The following TSHZ2 variants were observed in gnomAD, a reference collection of about 807,000 sequenced individuals.
TSHZ2 encodes the protein teashirt zinc finger homeobox 2, also known as teashirt homolog 2.
In TSHZ2, 21 loss-of-function variants were observed where a neutral mutation model predicts 74.4. That is an observed-to-expected ratio of 0.28 (90% confidence interval 0.20 to 0.41). The LOEUF (loss-of-function observed/expected upper bound fraction) is 0.41. TSHZ2 is among the 10% of genes least tolerant of loss of function. The probability of loss-of-function intolerance (pLI) is 1.00; values close to 1 mark genes in which losing one functional copy is unlikely to be tolerated. For missense variants in TSHZ2, 1,244 were observed against 1,293.5 expected, an observed-to-expected ratio of 0.96 and a Z score of 0.59; for synonymous variants, 540 against 515.3, an observed-to-expected ratio of 1.05 and a Z score of -0.65.
intron 2 of TSHZ2, among the ~76,000 whole-genome samples, chr20:53,478,113 A>G (rs200922905): frequency 0.075 from 11,041 of 147,796 alleles, 555 homozygotes; most frequent in South Asian, 0.23. Context: ...GCGATTCCTC[A>G]GGGATCTAGA....
intron 1 of TSHZ2, among the ~76,000 whole-genome samples, chr20:52,999,147 C>T (rs1029524140): frequency 6.6e-6 from 1 of 150,770 alleles, no homozygotes; most frequent in African/African-American, 2.5e-5. Flanking sequence ...ACCCATGAGT[C>T]TGAGGCCTCA....
At chr20:53,452,062 A>G (rs1984808312) in intron 2 of TSHZ2, among the ~76,000 whole-genome samples, 1 of 152,238 alleles carries the variant, frequency 6.6e-6, no homozygotes, top group Admixed American at 6.5e-5. Context: ...GAGTGCTGTC[A>G]TCAAGTGTGA....
chr20:53,441,225 ATTTTATTTTATTTTAT>A (rs1296453800), intron 2 of TSHZ2, among the ~76,000 whole-genome samples: 2 of 29,942 alleles, frequency 6.7e-5, no homozygotes, highest in Non-Finnish European at 1.2e-4. Flanking sequence ...TTATTTGTTT[ATTTTATTTTATTTTAT>A]TTTATTTTAT....
intron 1 of TSHZ2, among the ~76,000 whole-genome samples, chr20:53,041,364 A>C (rs1005450339): frequency 3.3e-5 from 5 of 152,238 alleles, no homozygotes; most frequent in African/African-American, 1.2e-4. Context: ...CAATAAGCCC[A>C]GATTTACTTT....
intron 1 of TSHZ2, among the ~76,000 whole-genome samples, chr20:53,145,576 G>T (rs1040843826): frequency 1.3e-5 from 2 of 152,196 alleles, no homozygotes; most frequent in Non-Finnish European, 2.9e-5. Context: ...GAGCTTCCTT[G>T]TGCTGGGGAA....
At position 53,212,696 on chromosome 20, in the gene TSHZ2, C is replaced by G. The variant is rs117029932; in HGVS notation, c.41-40803C>G. The stretch of plus-strand genomic sequence containing the variant: ...AGTGTGGCTGGATTCAGAAGTCAAC[C>G]CACTTTCCTCTGTGCCGGCTTCATT... On this transcript the variant is annotated intron_variant, in intron 1 of 2. Coordinates refer to ENST00000371497, the MANE Select transcript of TSHZ2 (RefSeq NM_173485.6). Among the ~76,000 whole-genome samples the G allele has an allele frequency of 8.7e-3, 1,322 of 152,264 alleles. 11 individuals carry two copies. The highest frequency in any genetic ancestry group is 0.015 in the Non-Finnish European group (1,031 of 68,014).
intron 1 of TSHZ2, among the ~76,000 whole-genome samples, chr20:53,038,176 G>T (rs1983890775): frequency 8.9e-6 from 1 of 112,146 alleles, no homozygotes; most frequent in African/African-American, 3.5e-5. Flanking sequence ...TGGGCGACAA[G>T]AGCGGGATTC....
At chr20:53,464,224 TG>T (rs1985488387) in intron 2 of TSHZ2, among the ~76,000 whole-genome samples, 1 of 152,142 alleles carries the variant, frequency 6.6e-6, no homozygotes, top group Admixed American at 6.5e-5. Flanking sequence ...TGAATGCTAG[TG>T]GGGAGACATG....
At chr20:53,345,749 C>T (rs1980413432) in intron 2 of TSHZ2, among the ~76,000 whole-genome samples, 1 of 151,512 alleles carries the variant, frequency 6.6e-6, no homozygotes, top group Non-Finnish European at 1.5e-5. Flanking sequence ...CCCTCCTCCC[C>T]TCCCTCTGTA....
At chr20:53,453,905 CTCT>C (rs11470531) in intron 2 of TSHZ2, among the ~76,000 whole-genome samples, 3,660 of 152,234 alleles carry the variant, frequency 0.024, 140 homozygotes, top group African/African-American at 0.083. Context: ...ATCCTAGGAC[CTCT>C]TCTTCTAGAA....
At chr20:53,444,693 C>T (rs1403103410) in intron 2 of TSHZ2, among the ~76,000 whole-genome samples, 4 of 152,182 alleles carry the variant, frequency 2.6e-5, no homozygotes, top group African/African-American at 7.2e-5. Context: ...CGGGAAGTTT[C>T]TAGGGTATGT....
At chr20:53,378,337 A>T (rs1343980466) in intron 2 of TSHZ2, among the ~76,000 whole-genome samples, 1 of 112,410 alleles carries the variant, frequency 8.9e-6, no homozygotes, top group East Asian at 2.3e-4. Flanking sequence ...AAAACTTTGT[A>T]TCAAAATAAT....
At chr20:53,477,606 G>T (rs1458964231) in intron 2 of TSHZ2, among the ~76,000 whole-genome samples, 1 of 147,304 alleles carries the variant, frequency 6.8e-6, no homozygotes, top group African/African-American at 2.6e-5. Flanking sequence ...CATGGGCAAG[G>T]ACTTCATGTC....
intron 2 of TSHZ2, among the ~76,000 whole-genome samples, chr20:53,436,835 GC>G (rs1190390905): frequency 6.6e-6 from 1 of 151,982 alleles, no homozygotes; most frequent in Admixed American, 6.6e-5. Context: ...ACAGGTGTGA[GC>G]CATTCCACCC....
At chr20:53,333,916 C>A (rs1979835463) in intron 2 of TSHZ2, among the ~76,000 whole-genome samples, 1 of 152,194 alleles carries the variant, frequency 6.6e-6, no homozygotes, top group Non-Finnish European at 1.5e-5. Flanking sequence ...CACTGGGAGA[C>A]AAATCTCTAG....
intron 2 of TSHZ2, among the ~76,000 whole-genome samples, chr20:53,262,065 C>A (rs1990612562): frequency 6.6e-6 from 1 of 151,918 alleles, no homozygotes; most frequent in Admixed American, 6.5e-5. Flanking sequence ...AAAGATCTCT[C>A]AAAAATGGCT....
intron 1 of TSHZ2, among the ~76,000 whole-genome samples, chr20:53,078,241 G>A (rs934869027): frequency 6.6e-6 from 1 of 152,164 alleles, no homozygotes; most frequent in Admixed American, 6.5e-5. Context: ...CACTTAGGGG[G>A]ATTACTCAGA....
chr20:53,321,697 A>AAAAAAAAAAAAAG (rs1555850300), intron 2 of TSHZ2, among the ~76,000 whole-genome samples: 8 of 140,550 alleles, frequency 5.7e-5, no homozygotes, highest in East Asian at 2.1e-4. Flanking sequence ...AAAAAAAAAA[A>AAAAAAAAAAAAAG]AAAGAAAGAC....
At chr20:53,229,788 G>A (rs1989776736) in intron 1 of TSHZ2, among the ~76,000 whole-genome samples, 1 of 150,270 alleles carries the variant, frequency 6.7e-6, no homozygotes, top group Admixed American at 6.6e-5. Flanking sequence ...AGAGGGAGGA[G>A]GGAGGGAGGG....
Sources: gnomAD v4.1 joint callset for allele counts (sites outside exome capture counted in the v4.1 genomes callset) on GRCh38, gnomAD v4.1.1 for gene constraint, MANE v1.5 for transcripts, NCBI Gene and HGNC (gene_info 2026-07-23, HGNC 2026-07-21) for gene names.